The following MYO16 variants were observed in gnomAD, a reference collection of about 807,000 sequenced individuals.
MYO16 encodes the protein myosin XVI, also known as unconventional myosin-XVI.
MYO16 carries 94 observed loss-of-function variants against 205.3 expected under a neutral mutation model. The observed-to-expected ratio is 0.46, with a 90% CI of 0.39 to 0.54. The LOEUF is 0.54. Ranked by LOEUF, MYO16 falls within the 20% of genes least tolerant of loss-of-function variation. The probability of loss-of-function intolerance (pLI) is 0.00; values close to 1 mark genes in which losing one functional copy is unlikely to be tolerated. For synonymous variants in MYO16, 988 were observed against 954.0 expected (o/e 1.04, Z -0.66); for missense variants, 2,315 against 2,387.5 (o/e 0.97, Z 0.63).
chr13:108,805,285 C>T (rs939919147), intron 6 of MYO16, among the ~76,000 whole-genome samples: 6 of 152,084 alleles, frequency 3.9e-5, no homozygotes, highest in African/African-American at 1.4e-4. Context: ...GTATGTGAAA[C>T]AGTGTCTTCA....
At chr13:109,040,385 C>CACACAGAGAGAGAGAGAGAGAG (rs1394314811) in intron 23 of MYO16, among the ~76,000 whole-genome samples, 306 of 113,244 alleles carry the variant, frequency 2.7e-3, no homozygotes, top group African/African-American at 7.3e-3. Flanking sequence ...CACACACACA[C>CACACAGAGAGAGAGAGAGAGAG]AGAGAGAGAG....
rs1566439854 is a variant in MYO16 at position 108,972,358 on chromosome 13, A to AGC, written c.2369+7456_2369+7457insGC. The stretch of plus-strand genomic sequence containing the variant: ...TATATATATATATATAGCCATATAT[A>AGC]TATATATATATATATATATATATAT... On this transcript the variant is annotated intron_variant, in intron 20 of 34. Transcript: ENST00000457511. Among the ~76,000 whole-genome samples, 171 of 23,400 alleles carry AGC rather than the reference A, an allele frequency of 7.3e-3. 21 individuals are homozygous for AGC. The highest frequency in any genetic ancestry group is 0.049 in the African/African-American group (167 of 3,438). 15.4% of individuals were successfully genotyped at this position (23,400 alleles called of 152,430 possible).
At chr13:109,076,869 G>A (rs1445040482) in intron 27 of MYO16, among the ~76,000 whole-genome samples, 2 of 152,128 alleles carry the variant, frequency 1.3e-5, no homozygotes, top group African/African-American at 2.4e-5. Context: ...AAAAGAAGAC[G>A]CTGTGGAAAC....
intron 1 of MYO16, among the ~76,000 whole-genome samples, chr13:108,661,266 G>C (rs1229681202): frequency 6.6e-6 from 1 of 152,084 alleles, no homozygotes; most frequent in African/African-American, 2.4e-5. Context: ...GTGCCTAGGT[G>C]ATCTTTTTTG....
the MYO16 span, among the ~76,000 whole-genome samples, chr13:108,584,633 C>A: frequency 3.9e-5 from 6 of 152,060 alleles, no homozygotes; most frequent in South Asian, 1.0e-3. Flanking sequence ...TCCCTTGCAC[C>A]CCTGTCAGCT....
At chr13:108,595,912 C>T (rs1257187275), upstream of MYO16, among the ~76,000 whole-genome samples, 2 of 116,386 alleles carry the variant, frequency 1.7e-5, no homozygotes, top group African/African-American at 6.6e-5. Context: ...TTACCTTGAG[C>T]AGGCTAAGGC....
chr13:109,134,453 G>T (rs1459037156), intron 31 of MYO16, among the ~76,000 whole-genome samples: 1 of 152,164 alleles, frequency 6.6e-6, no homozygotes, highest in Non-Finnish European at 1.5e-5. Context: ...GGCTCTGGGT[G>T]TCAACAGAGA....
chr13:108,519,351 T>C, the MYO16 span, among the ~76,000 whole-genome samples: 7 of 152,084 alleles, frequency 4.6e-5, no homozygotes, highest in African/African-American at 1.7e-4. Context: ...TTTTTCTGCA[T>C]GGTGGAACTC....
chr13:109,088,162 T>G (rs1189970374), intron 27 of MYO16, among the ~76,000 whole-genome samples: 1 of 152,226 alleles, frequency 6.6e-6, no homozygotes, highest in East Asian at 1.9e-4. Flanking sequence ...GGCACAGTTT[T>G]AAATTCAATG....
Position 108,848,158 on chromosome 13 carries a change from G to A in MYO16, c.1248+3665G>A, listed in dbSNP as rs9521070. The stretch of plus-strand genomic sequence containing the variant: ...ATGACAGGAGATGGATGTATTATTT[G>A]TACTATCATTATTATATAGACTGAC... On this transcript the variant is annotated intron_variant, in intron 10 of 34. Transcript: ENST00000457511. 1.3e-5 allele frequency among the ~76,000 whole-genome samples: 2 copies of A among 151,890 alleles called. 1 individual carries two copies. The highest frequency in any genetic ancestry group is 1.3e-4 in the Admixed American group (2 of 15,254).
chr13:109,125,922 C>G lies in MYO16; in HGVS notation c.3782+564C>G, dbSNP rs1876226361. 6.6e-6 allele frequency among the ~76,000 whole-genome samples: 1 copy of G among 152,198 alleles called. No individual in the cohort carries two copies. The highest frequency in any genetic ancestry group is 2.4e-5 in the African/African-American group (1 of 41,440). On this transcript the variant is annotated intron_variant, in intron 30 of 34. Coordinates refer to ENST00000457511, the MANE Select transcript of MYO16 (RefSeq NM_001198950.3). The surrounding 1 kb of genome is among the most constrained non-coding windows in gnomAD (Gnocchi z 4.0). Reference sequence around the variant, plus strand: ...TTCACTTTAGAGGCTTAGCTTAAAACAGAAATGTGACGATCACCTGGTCCC... The same window carrying G: ...TTCACTTTAGAGGCTTAGCTTAAAAGAGAAATGTGACGATCACCTGGTCCC...
intron 4 of MYO16, among the ~76,000 whole-genome samples, chr13:108,738,930 G>T (rs1164250559): frequency 6.6e-6 from 1 of 151,998 alleles, no homozygotes; most frequent in African/African-American, 2.4e-5. Context: ...TTGGTTTAAG[G>T]TCTGTTTTAT....
At chr13:109,165,161 G>A in intron 33 of MYO16, 102 bp downstream of exon 33, 1 of 860,774 alleles carries the variant, frequency 1.2e-6, no homozygotes, top group Non-Finnish European at 1.8e-6. Flanking sequence ...GTAGGGTTAA[G>A]AACTGGAAAA....
At position 108,629,722 on chromosome 13, in the gene MYO16, A is replaced by T; in HGVS notation, c.-123A>T. 1.2e-6 allele frequency: 1 copy of T among 823,956 alleles called. No homozygotes were observed. The highest frequency in any genetic ancestry group is 1.9e-6 in the Non-Finnish European group (1 of 523,972). The allele number at this position is 823,956 out of a possible 1,614,324, so 51.0% of individuals were successfully genotyped here. A position where few individuals can be genotyped will look rare whatever the true frequency, so the allele number is the denominator to read the frequency against. On this transcript the variant is annotated 5_prime_UTR_variant, in exon 1 of 35. An upstream open reading frame in the 5' UTR loses its in-frame stop. Coordinates refer to ENST00000457511, the MANE Select transcript of MYO16 (RefSeq NM_001198950.3). Reference sequence around the variant, plus strand: ...TCATGGAACAGAGCCTCCATGCAATAGTGCATCCTGAGGTAAACTGTTACC... The same window carrying T: ...TCATGGAACAGAGCCTCCATGCAATTGTGCATCCTGAGGTAAACTGTTACC...
In MYO16 at chr13:109,107,372, G is replaced by C. The variant is rs947229208; in HGVS notation, c.3438+6485G>C. Among the ~76,000 whole-genome samples the C allele has an allele frequency of 2.0e-5, 3 of 152,082 alleles. No homozygotes were observed. In the East Asian group the frequency reaches 5.8e-4, roughly 29 times the overall value. ...GTTAAATTAAGTTATGATCTTTGAAGGATTTGCTCTTATATTGCCAAGAAC... is the reference window on the plus strand; with the variant it reads ...GTTAAATTAAGTTATGATCTTTGAACGATTTGCTCTTATATTGCCAAGAAC... On this transcript the variant is annotated intron_variant, in intron 28 of 34. Coordinates refer to ENST00000457511, the MANE Select transcript of MYO16 (RefSeq NM_001198950.3).
At chr13:108,590,677 A>G in the MYO16 span, among the ~76,000 whole-genome samples, 1 of 152,192 alleles carries the variant, frequency 6.6e-6, no homozygotes, top group African/African-American at 2.4e-5. Context: ...ATGCGAAGAC[A>G]CAAGGGTACA....
the MYO16 span, among the ~76,000 whole-genome samples, chr13:108,588,978 T>C: frequency 6.6e-5 from 10 of 152,122 alleles, no homozygotes; most frequent in Non-Finnish European, 1.2e-4. Flanking sequence ...TACAACACAT[T>C]GGAATCGGTG....
intron 33 of MYO16, among the ~76,000 whole-genome samples, chr13:109,173,021 A>G (rs961225926): frequency 2.0e-5 from 3 of 152,270 alleles, no homozygotes; most frequent in African/African-American, 7.2e-5. Flanking sequence ...CTCTGGGATG[A>G]ATAGAAGCAG....
chr13:108,813,871 C>T (rs893973914), intron 7 of MYO16, among the ~76,000 whole-genome samples: 1 of 152,088 alleles, frequency 6.6e-6, no homozygotes, highest in Non-Finnish European at 1.5e-5. Context: ...ACAGATGTTC[C>T]AGAGTAGAGT....
Sources: gnomAD v4.1 joint callset for allele counts (sites outside exome capture counted in the v4.1 genomes callset) on GRCh38, gnomAD v4.1.1 for gene constraint, Gnocchi (gnomAD v3.1) non-coding constraint, MANE v1.5 for transcripts, NCBI Gene and HGNC (gene_info 2026-07-23, HGNC 2026-07-21) for gene names.